Variants in PIEZO2 observed in about 807,000 individuals in gnomAD.
The protein encoded by PIEZO2 is piezo-type mechanosensitive ion channel component 2.
A neutral mutation model predicts 337.3 loss-of-function variants in PIEZO2; 172 were observed. That is an observed-to-expected ratio of 0.51 (90% confidence interval 0.45 to 0.58). The LOEUF (loss-of-function observed/expected upper bound fraction) is 0.58. Among genes scored for constraint, PIEZO2 ranks in the 20% least tolerant of loss-of-function variants. The pLI is 0.00. For missense variants in PIEZO2, 3,028 were observed against 3,391.3 expected (o/e 0.89, Z 2.66); for synonymous variants, 1,251 against 1,228.5 (o/e 1.02, Z -0.38).
intron 9 of PIEZO2, among the ~76,000 whole-genome samples, chr18:10,803,070 G>C (rs1280488939): frequency 6.6e-6 from 1 of 152,086 alleles, no homozygotes; most frequent in Non-Finnish European, 1.5e-5. Context: ...TTGAATGTCA[G>C]TTGTAGTGCA....
intron 17 of PIEZO2, among the ~76,000 whole-genome samples, chr18:10,780,669 C>CTT (rs11392739): frequency 0.21 from 27,579 of 131,256 alleles, 3,493 homozygotes; most frequent in East Asian, 0.31. Context: ...TTTAAGGTAC[C>CTT]TTTTTTTTTT....
chr18:10,787,144 C>T lies in PIEZO2; in HGVS notation c.2210G>A (p.Trp737Ter). Residue 737 changes from tryptophan to a stop codon, truncating the protein, a stop_gained, in exon 16 of 56, where the codon TGG becomes TAG. Coordinates refer to ENST00000674853, the MANE Select transcript of PIEZO2 (RefSeq NM_001378183.1). LOFTEE classifies it high-confidence loss of function. ...EWWRKILKYFWMSVVIYTMLV... is the reference protein window; with the variant it reads ...EWWRKILKYF ...CATAGTGTAAATAACCACTGACATCCAAAAATATTTTAGAATTTTCCTCCA... is the reference window on the plus strand; with the variant it reads ...CATAGTGTAAATAACCACTGACATCTAAAAATATTTTAGAATTTTCCTCCA... The T allele has an allele frequency of 1.3e-6, 2 of 1,531,370 alleles. No individual in the cohort carries two copies. Among genetic ancestry groups the T allele is most frequent in the Non-Finnish European group, 1.7e-6 (2 of 1,144,896 alleles). The allele number at this position is 1,531,370 out of a possible 1,614,324, so 94.9% of individuals were successfully genotyped here.
intron 43 of PIEZO2, among the ~76,000 whole-genome samples, chr18:10,699,513 C>T (rs557071614): frequency 6.6e-6 from 1 of 152,266 alleles, no homozygotes; most frequent in South Asian, 2.1e-4. Flanking sequence ...TGACTTGCTC[C>T]TGCTCCCCTT....
At chr18:11,106,350 G>A (rs1444377749) in intron 1 of PIEZO2, among the ~76,000 whole-genome samples, 15 of 149,784 alleles carry the variant, frequency 1.0e-4, no homozygotes, top group South Asian at 2.1e-4. Context: ...CGCCTGCCTC[G>A]GCCTCCCAAA....
chr18:11,133,581 T>C (rs1189821543), intron 1 of PIEZO2, among the ~76,000 whole-genome samples: 1 of 152,096 alleles, frequency 6.6e-6, no homozygotes, highest in Admixed American at 6.6e-5. Flanking sequence ...TGCCAGTGAA[T>C]ATAAAGCAGG....
At chr18:10,758,505 G>A (rs896114207) in intron 26 of PIEZO2, among the ~76,000 whole-genome samples, 3 of 152,056 alleles carry the variant, frequency 2.0e-5, no homozygotes, top group African/African-American at 7.2e-5. Flanking sequence ...GAGTGCAGTG[G>A]TGCGATCTTG....
intron 1 of PIEZO2, among the ~76,000 whole-genome samples, chr18:11,068,012 C>G (rs541427871): frequency 4.6e-5 from 7 of 152,320 alleles, no homozygotes; most frequent in African/African-American, 1.7e-4. Context: ...AGCTCCGCCT[C>G]CCAGGTTCAC....
intron 1 of PIEZO2, among the ~76,000 whole-genome samples, chr18:11,089,551 C>T (rs2039008676): frequency 6.6e-6 from 1 of 152,156 alleles, no homozygotes; most frequent in African/African-American, 2.4e-5. Context: ...GCAGCCATTC[C>T]TCTTCCAAGG....
At chr18:10,936,700 G>A (rs1321572251) in intron 3 of PIEZO2, among the ~76,000 whole-genome samples, 2 of 152,160 alleles carry the variant, frequency 1.3e-5, no homozygotes, top group Non-Finnish European at 2.9e-5. Flanking sequence ...ATCGCTTCAG[G>A]ACAGGCAATC....
At position 10,856,749 on chromosome 18, in the gene PIEZO2, G is replaced by A. The variant is rs1438954585; in HGVS notation, c.703+252C>T. Reference sequence around the variant, plus strand: ...TAATCTAAACCTAGAAAATGGAGTCGCTTAGCATATATAGAAAAAGATTAT... The same window carrying A: ...TAATCTAAACCTAGAAAATGGAGTCACTTAGCATATATAGAAAAAGATTAT... On this transcript the variant is annotated intron_variant, in intron 6 of 55. Coordinates refer to ENST00000674853, the MANE Select transcript of PIEZO2 (RefSeq NM_001378183.1). This position sits in a 1 kb window ranked among gnomAD's most constrained non-coding sequence, Gnocchi z 4.7. 2.0e-5 allele frequency among the ~76,000 whole-genome samples: 3 copies of A among 152,120 alleles called. No individual in the cohort carries two copies. Among genetic ancestry groups the A allele is most frequent in the Non-Finnish European group, 4.4e-5 (3 of 68,032 alleles).
At chr18:10,762,267 A>G (rs796511753) in intron 23 of PIEZO2, among the ~76,000 whole-genome samples, 20 of 152,332 alleles carry the variant, frequency 1.3e-4, no homozygotes, top group African/African-American at 4.8e-4. Context: ...TAATGTTCCA[A>G]TGAATGTATT....
chr18:10,736,748 C>T (rs2037011772), intron 33 of PIEZO2, 38 bp from the exon 34 acceptor site: 2 of 1,525,334 alleles, frequency 1.3e-6, no homozygotes, highest in African/African-American at 1.4e-5. Context: ...TCTTGAAAGA[C>T]ATATAAGGAA....
rs575033826 is a variant in PIEZO2, at chr18:10,903,145, C to T, written c.329+8041G>A. On this transcript the variant is annotated intron_variant, in intron 4 of 55. Transcript: ENST00000674853. The surrounding 1 kb of genome is among the most constrained non-coding windows in gnomAD (Gnocchi z 4.1). The stretch of plus-strand genomic sequence containing the variant: ...TCAATTATTCACCAAGTTGTAACTT[C>T]GAATTCTACTTACCTAAAATGCGTT... 2.0e-5 allele frequency among the ~76,000 whole-genome samples: 3 copies of T among 152,250 alleles called. No homozygotes were observed. Among genetic ancestry groups the T allele is most frequent in the South Asian group, 2.1e-4 (1 of 4,822 alleles).
rs2031630645 is a variant in PIEZO2 at position 10,924,822 on chromosome 18, G to A, written c.287-13594C>T. Among the ~76,000 whole-genome samples the A allele has an allele frequency of 3.9e-5, 6 of 152,284 alleles. No homozygotes were observed. The South Asian group carries it at 1.0e-3, about 26-fold the overall frequency. On this transcript the variant is annotated intron_variant, in intron 3 of 55. Coordinates refer to ENST00000674853, the MANE Select transcript of PIEZO2 (RefSeq NM_001378183.1). Reference sequence around the variant, plus strand: ...TAAGGCGTTACAATTGCTTTGTACAGCTTGTGGCTTTCTTTACACTAACTA... The same window carrying A: ...TAAGGCGTTACAATTGCTTTGTACAACTTGTGGCTTTCTTTACACTAACTA...
At chr18:11,037,064 A>G (rs1254209231) in intron 2 of PIEZO2, among the ~76,000 whole-genome samples, 4 of 152,186 alleles carry the variant, frequency 2.6e-5, no homozygotes, top group Admixed American at 2.6e-4. Context: ...CTCTGGGTTC[A>G]AGTGAGTCTC....
intron 28 of PIEZO2, among the ~76,000 whole-genome samples, chr18:10,752,410 A>G (rs2037683255): frequency 6.6e-6 from 1 of 152,230 alleles, no homozygotes; most frequent in African/African-American, 2.4e-5. Flanking sequence ...ATGAACACAT[A>G]TCCTTTAGCC....
At chr18:10,875,515 GAGTAGT>G (rs1370329685) in intron 4 of PIEZO2, among the ~76,000 whole-genome samples, 1 of 152,180 alleles carries the variant, frequency 6.6e-6, no homozygotes, top group East Asian at 1.9e-4. Flanking sequence ...CTGAGGTCAG[GAGTAGT>G]AGTAGGTTGG....
chr18:11,108,286 T>G (rs2039627895), intron 1 of PIEZO2, among the ~76,000 whole-genome samples: 1 of 152,066 alleles, frequency 6.6e-6, no homozygotes, highest in Non-Finnish European at 1.5e-5. Context: ...TATAATCAGC[T>G]GACTAGGAAA....
rs1402215812 is a variant in PIEZO2 at position 10,855,341 on chromosome 18, G to T, written c.917+12C>A. ...CAACCTCTCCTGGAAATGCCATAAG[G>T]ATTTCTCTTACCTTGCATAGTAGTC... On this transcript the variant is annotated intron_variant, in intron 7 of 55. Coordinates refer to ENST00000674853, the MANE Select transcript of PIEZO2 (RefSeq NM_001378183.1). The surrounding 1 kb of genome is among the most constrained non-coding windows in gnomAD (Gnocchi z 4.9). 2.0e-6 allele frequency: 3 copies of T among 1,523,734 alleles called. No homozygotes were observed. The highest frequency in any genetic ancestry group is 2.4e-5 in the South Asian group (2 of 83,708). The allele number at this position is 1,523,734 out of a possible 1,614,324, so 94.4% of individuals were successfully genotyped here.
Sources: gnomAD v4.1 joint callset for allele counts (sites outside exome capture counted in the v4.1 genomes callset) on GRCh38, gnomAD v4.1.1 for gene constraint, Gnocchi (gnomAD v3.1) non-coding constraint, MANE v1.5 for transcripts, NCBI Gene and HGNC (gene_info 2026-07-23, HGNC 2026-07-21) for gene names.